Variants in SLC35F1 observed in about 807,000 individuals in gnomAD.
SLC35F1 encodes the protein chromosome 6 open reading frame 169.
Under a neutral mutation model 48.7 loss-of-function variants are expected in SLC35F1, and 14 were observed. The observed-to-expected ratio is 0.29, with a 90% CI of 0.19 to 0.45. The LOEUF is 0.45. Among genes scored for constraint, SLC35F1 ranks in the 20% least tolerant of loss-of-function variants. SLC35F1 has a pLI of 1.00. For synonymous variants in SLC35F1, 190 were observed against 202.2 expected (o/e 0.94, Z 0.51); for missense variants, 404 against 500.0 (o/e 0.81, Z 1.83).
chr6:117,924,481 TATAC>T (rs1214687195), intron 1 of SLC35F1, among the ~76,000 whole-genome samples: 1 of 17,634 alleles, frequency 5.7e-5, no homozygotes, highest in African/African-American at 9.8e-5. Context: ...TACATATGTA[TATAC>T]GTATATACAT....
At chr6:118,107,308 A>G (rs1773339360) in intron 1 of SLC35F1, among the ~76,000 whole-genome samples, 1 of 152,208 alleles carries the variant, frequency 6.6e-6, no homozygotes, top group African/African-American at 2.4e-5. Context: ...CTTATCAGTT[A>G]CTGCCTCATT....
At chr6:118,199,119 A>T (rs1178943168) in intron 2 of SLC35F1, among the ~76,000 whole-genome samples, 2 of 152,182 alleles carry the variant, frequency 1.3e-5, no homozygotes, top group African/African-American at 4.8e-5. Flanking sequence ...GGAAACTTGT[A>T]TTGCTGACCC....
intron 7 of SLC35F1, among the ~76,000 whole-genome samples, chr6:118,311,953 A>G (rs925347874): frequency 2.6e-5 from 4 of 152,220 alleles, no homozygotes; most frequent in Non-Finnish European, 4.4e-5. Flanking sequence ...TAGGAACTAT[A>G]AGTGTTCTAC....
At position 118,072,619 on chromosome 6, in the gene SLC35F1, C is replaced by CT. The variant is rs572309338; in HGVS notation, c.174-81819dup. On this transcript the variant is annotated intron_variant, in intron 1 of 7. Coordinates refer to ENST00000360388, the MANE Select transcript of SLC35F1 (RefSeq NM_001029858.4). ...TTTTTCTTAATCACATTTTTATTCTCTTTTTTTGTTTCCTACAGGATAATA... is the reference window on the plus strand; with the variant it reads ...TTTTTCTTAATCACATTTTTATTCTCTTTTTTTTGTTTCCTACAGGATAATA... 7.2e-4 allele frequency among the ~76,000 whole-genome samples: 109 copies of CT among 152,052 alleles called. 1 individual carries two copies. Among genetic ancestry groups the CT allele is most frequent in the Non-Finnish European group, 1.2e-3 (83 of 67,946 alleles).
rs948043097 is a variant in SLC35F1, at chr6:118,235,418, T to C, written c.350-91T>C. On this transcript the variant is annotated intron_variant, in intron 2 of 7. Coordinates refer to ENST00000360388, the MANE Select transcript of SLC35F1 (RefSeq NM_001029858.4). The stretch of plus-strand genomic sequence containing the variant: ...TTTGGTAAACTTTAGGTTAAAAATA[T>C]ATAATGTTGCAACATATTAGAATTC... The C allele has an allele frequency of 9.9e-6, 12 of 1,207,852 alleles. No individual in the cohort carries two copies. The African/African-American group carries it at 1.2e-4, about 12-fold the overall frequency. The allele number at this position is 1,207,852 out of a possible 1,614,324, so 74.8% of individuals were successfully genotyped here.
chr6:118,085,523 A>T (rs1247954136), intron 1 of SLC35F1, among the ~76,000 whole-genome samples: 1 of 76,240 alleles, frequency 1.3e-5, no homozygotes. Context: ...TTTGAGGTAG[A>T]GCCTCACTCT....
chr6:117,969,232 C>T (rs1776608552), intron 1 of SLC35F1, among the ~76,000 whole-genome samples: 1 of 152,060 alleles, frequency 6.6e-6, no homozygotes, highest in African/African-American at 2.4e-5. Flanking sequence ...ACATTTTTAC[C>T]TGTAGGCTGA....
In SLC35F1 at chr6:118,184,147, G is replaced by T. The variant is rs570708957; in HGVS notation, c.349+29527G>T. ...TTTCCTGACAAAGCACAGGACACAA[G>T]TAACAATATAACATATACTATGAGA... On this transcript the variant is annotated intron_variant, in intron 2 of 7. Transcript: ENST00000360388. Among the ~76,000 whole-genome samples the T allele has an allele frequency of 1.2e-3, 182 of 152,294 alleles. 1 individual carries two copies. The highest frequency in any genetic ancestry group is 4.2e-3 in the African/African-American group (174 of 41,570).
At chr6:118,233,980 T>C (rs1775330249) in intron 2 of SLC35F1, among the ~76,000 whole-genome samples, 1 of 152,220 alleles carries the variant, frequency 6.6e-6, no homozygotes, top group South Asian at 2.1e-4. Flanking sequence ...ACAGTCTGTA[T>C]GTAACTGAAA....
intron 1 of SLC35F1, among the ~76,000 whole-genome samples, chr6:118,118,643 G>A (rs1348499048): frequency 6.6e-6 from 1 of 151,428 alleles, no homozygotes; most frequent in Non-Finnish European, 1.5e-5. Context: ...TTTTTTAATC[G>A]AGTTGTCATT....
intron 3 of SLC35F1, among the ~76,000 whole-genome samples, chr6:118,241,849 T>C (rs1775445357): frequency 6.6e-6 from 1 of 152,220 alleles, no homozygotes; most frequent in African/African-American, 2.4e-5. Context: ...GATTGGCTTT[T>C]TTCACTAAGC....
At chr6:117,947,448 C>T (rs1776309492) in intron 1 of SLC35F1, among the ~76,000 whole-genome samples, 1 of 152,070 alleles carries the variant, frequency 6.6e-6, no homozygotes, top group African/African-American at 2.4e-5. Context: ...GATTTTTTAG[C>T]AGAGAAGAAG....
At chr6:117,992,268 C>G (rs1044709176) in intron 1 of SLC35F1, among the ~76,000 whole-genome samples, 2 of 151,914 alleles carry the variant, frequency 1.3e-5, no homozygotes, top group South Asian at 4.2e-4. Context: ...TATTTAACAT[C>G]ATTGAATTTG....
chr6:118,125,382 G>C (rs1233080550), intron 1 of SLC35F1, among the ~76,000 whole-genome samples: 2 of 149,050 alleles, frequency 1.3e-5, no homozygotes, highest in African/African-American at 2.5e-5. Flanking sequence ...ATTTTGGGGG[G>C]GGGGATCAGA....
At chr6:117,940,491 G>T (rs1418164009) in intron 1 of SLC35F1, among the ~76,000 whole-genome samples, 1 of 152,070 alleles carries the variant, frequency 6.6e-6, no homozygotes, top group Non-Finnish European at 1.5e-5. Context: ...CCCACATCTG[G>T]TTGTATATCC....
chr6:118,241,275 CA>C (rs2114591497), intron 3 of SLC35F1, among the ~76,000 whole-genome samples: 1 of 152,284 alleles, frequency 6.6e-6, no homozygotes, highest in African/African-American at 2.4e-5. Flanking sequence ...CAGATTCTCT[CA>C]AAAACAGAGA....
intron 2 of SLC35F1, among the ~76,000 whole-genome samples, chr6:118,202,880 T>A (rs1774889041): frequency 6.6e-6 from 1 of 152,234 alleles, no homozygotes; most frequent in African/African-American, 2.4e-5. Flanking sequence ...ACCTGAATAA[T>A]AAGTTCTAGC....
chr6:118,236,795 C>T (rs11153725), intron 3 of SLC35F1, among the ~76,000 whole-genome samples: 83,389 of 152,022 alleles, frequency 0.55, 23,269 homozygotes, highest in Middle Eastern at 0.67. Context: ...ATCCTTAGCA[C>T]CCTGTGACTT....
Position 118,117,237 on chromosome 6 carries a change from C to T in SLC35F1, c.174-37208C>T, listed in dbSNP as rs569789862. 2.0e-5 allele frequency among the ~76,000 whole-genome samples: 3 copies of T among 152,324 alleles called. No individual in the cohort carries two copies. In the South Asian group the frequency reaches 6.2e-4, roughly 32 times the overall value. On this transcript the variant is annotated intron_variant, in intron 1 of 7. Transcript: ENST00000360388. The stretch of plus-strand genomic sequence containing the variant: ...TATATTGGATTTTAAATATTGTCAA[C>T]CTTATCTGTACATGTATTTTCTAAA...
Sources: allele counts gnomAD v4.1 joint callset (sites outside exome capture counted in the v4.1 genomes callset), GRCh38; gene constraint gnomAD v4.1.1; transcripts MANE v1.5; gene names NCBI Gene and HGNC (gene_info 2026-07-23, HGNC 2026-07-21).